The following TGIF1 variants were observed in gnomAD, a reference collection of about 807,000 sequenced individuals.
TGIF1 encodes homeobox protein TGIF1.
Under a neutral mutation model 19.3 loss-of-function variants are expected in TGIF1, and 4 were observed. That is an observed-to-expected ratio of 0.21 (90% confidence interval 0.10 to 0.47). The LOEUF (loss-of-function observed/expected upper bound fraction) is 0.47. TGIF1 is among the 20% of genes least tolerant of loss of function. The pLI, the probability that TGIF1 is intolerant of heterozygous loss-of-function variation, is 0.98. For missense variants in TGIF1, 275 were observed against 341.4 expected, an observed-to-expected ratio of 0.81 and a Z score of 1.53; for synonymous variants, 122 against 129.3, an observed-to-expected ratio of 0.94 and a Z score of 0.38.
chr18:3,450,326 G>A lies in TGIF1; in HGVS notation c.-164G>A. 1 of 1,456,824 alleles carries A rather than the reference G, an allele frequency of 6.9e-7. No homozygotes were observed. The highest frequency in any genetic ancestry group is 9.1e-7 in the Non-Finnish European group (1 of 1,102,454). The allele number at this position is 1,456,824 out of a possible 1,614,324, so 90.2% of individuals were successfully genotyped here. The stretch of plus-strand genomic sequence containing the variant: ...GTCACTTGAATTCCACCCAAGGAGC[G>A]GGCGCCTGGGATCAGAGCGTCCTGT... On this transcript the variant is annotated 5_prime_UTR_variant, in exon 1 of 3. Coordinates refer to ENST00000343820, the MANE Select transcript of TGIF1 (RefSeq NM_003244.4).
chr18:3,435,911 A>G (rs961386497), intron 2 of TGIF1, among the ~76,000 whole-genome samples: 6 of 152,088 alleles, frequency 3.9e-5, no homozygotes, highest in African/African-American at 1.4e-4. Context: ...CCCAGGCTGG[A>G]GTGCAGTGGC....
intron 2 of TGIF1, among the ~76,000 whole-genome samples, chr18:3,424,820 G>A (rs138776120): frequency 3.3e-5 from 5 of 152,318 alleles, no homozygotes; most frequent in Admixed American, 2.0e-4. Context: ...GGAGGTGCTG[G>A]GAGGGTGATA....
At chr18:3,452,715 G>A (rs185996172) in intron 1 of TGIF1, among the ~76,000 whole-genome samples, 12 of 152,126 alleles carry the variant, frequency 7.9e-5, no homozygotes, top group Admixed American at 1.3e-4. Flanking sequence ...TACCTGGGAG[G>A]GGGGAGCCTT....
chr18:3,448,717 C>CTTTTT (rs869086299), upstream of TGIF1: 242 of 255,896 alleles, frequency 9.5e-4, 16 homozygotes, highest in African/African-American at 9.5e-3. Flanking sequence ...GCGGGGGTGT[C>CTTTTT]TTTTTTTTTT....
chr18:3,426,992 C>A (rs1043363493), intron 2 of TGIF1, among the ~76,000 whole-genome samples: 1 of 142,716 alleles, frequency 7.0e-6, no homozygotes, highest in African/African-American at 2.6e-5. Context: ...GGCATGATCT[C>A]GGCTCACTGC....
upstream of TGIF1, chr18:3,449,289 C>T (rs1019261629): frequency 1.4e-5 from 8 of 588,820 alleles, no homozygotes; most frequent in Non-Finnish European, 1.7e-5. Context: ...GACGAGCAGG[C>T]ACGGCGTGGT....
At chr18:3,449,942 G>T (rs2082846228), upstream of TGIF1, 1 of 986,496 alleles carries the variant, frequency 1.0e-6, no homozygotes, top group Non-Finnish European at 1.2e-6. Flanking sequence ...GAGGGATGCG[G>T]GCGGTCCGTG....
Position 3,456,931 on chromosome 18 carries a change from A to T in TGIF1, c.243+351A>T, listed in dbSNP as rs1480760294. 4 of 587,806 alleles carry T rather than the reference A, an allele frequency of 6.8e-6. No homozygotes were observed. The highest frequency in any genetic ancestry group is 1.2e-5 in the Non-Finnish European group (4 of 334,180). 36.4% of individuals were successfully genotyped at this position (587,806 alleles called of 1,614,324 possible). On this transcript the variant is annotated intron_variant, in intron 2 of 2. Coordinates refer to ENST00000343820, the MANE Select transcript of TGIF1 (RefSeq NM_003244.4). This position sits in a 1 kb window ranked among gnomAD's most constrained non-coding sequence, Gnocchi z 4.2. The stretch of plus-strand genomic sequence containing the variant: ...TCATGTTATGTCTGTTGACACAGTC[A>T]TTTGAACTGGGAAAAATCAGTTACT...
In TGIF1 at chr18:3,457,863, A is replaced by C; in HGVS notation, c.742A>C (p.Ser248Arg). The change falls in exon 3 of 3, where the codon AGT (serine) becomes CGT (arginine). Residue 248 changes from serine to arginine, a missense_variant. By Grantham distance (110) the Ser-to-Arg change is moderately radical. Transcript: ENST00000343820. This position sits in a 1 kb window ranked among gnomAD's most constrained non-coding sequence, Gnocchi z 4.9. The stretch of plus-strand genomic sequence containing the variant: ...TCCACCGGACCTCAACCAGGACTTC[A>C]GTGGATTTCAGCTTCTAGTGGATGT... Reference protein sequence around the residue: ...PTPPDLNQDFSGFQLLVDVAL... With the variant: ...PTPPDLNQDFRGFQLLVDVAL... 6.2e-7 allele frequency: 1 copy of C among 1,607,364 alleles called. No homozygotes were observed. Among genetic ancestry groups the C allele is most frequent in the Non-Finnish European group, 8.5e-7 (1 of 1,179,984 alleles).
At position 3,433,460 on chromosome 18, in the gene TGIF1, T is replaced by C. The variant is rs185990851; in HGVS notation, c.-45+15245T>C. ...TACAATTCTGATATATTCTATAACA[T>C]GGCCGAAGGTTGAAGACACTATGCT... On this transcript the variant is annotated intron_variant, in intron 2 of 3. Transcript: ENST00000401449. 1.2e-3 allele frequency among the ~76,000 whole-genome samples: 184 copies of C among 152,356 alleles called. 3 individuals carry two copies. The highest frequency in any genetic ancestry group is 2.2e-3 in the Admixed American group (33 of 15,292).
rs890818101 is a variant in TGIF1 at position 3,457,185 on chromosome 18, G to C, written c.244-180G>C. ...AGAAACTAGAAGGCTTATGACAGGT[G>C]GTAGCTTGCTTTCTTGGCGGAGCTC... On this transcript the variant is annotated intron_variant, in intron 2 of 2. Transcript: ENST00000343820. The surrounding 1 kb of genome is among the most constrained non-coding windows in gnomAD (Gnocchi z 4.9). The C allele has an allele frequency of 1.4e-6, 1 of 725,744 alleles. No individual in the cohort carries two copies. The highest frequency in any genetic ancestry group is 1.8e-5 in the African/African-American group (1 of 56,504). 45.0% of individuals were successfully genotyped at this position (725,744 alleles called of 1,614,324 possible). A position where few individuals can be genotyped will look rare whatever the true frequency, so the allele number is the denominator to read the frequency against.
intron 2 of TGIF1, among the ~76,000 whole-genome samples, chr18:3,425,982 A>G (rs1019083662): frequency 6.6e-6 from 1 of 150,932 alleles, no homozygotes; most frequent in Non-Finnish European, 1.5e-5. Context: ...CCCCCGCCCC[A>G]TATTTGGTCA....
At position 3,423,042 on chromosome 18, in the gene TGIF1, A is replaced by G. The variant is rs181788735; in HGVS notation, c.-45+4827A>G. Among the ~76,000 whole-genome samples, 4 of 152,152 alleles carry G rather than the reference A, an allele frequency of 2.6e-5. No individual in the cohort carries two copies. In the East Asian group the frequency reaches 7.7e-4, roughly 29 times the overall value. On this transcript the variant is annotated intron_variant, in intron 2 of 3. Transcript: ENST00000401449. ...CTATACATGTTCTAGGTTTAGATAGATCAATACTTACCATTGTGTTGCAAT... is the reference window on the plus strand; with the variant it reads ...CTATACATGTTCTAGGTTTAGATAGGTCAATACTTACCATTGTGTTGCAAT...
upstream of TGIF1, chr18:3,450,158 T>C (rs1319948569): frequency 7.9e-7 from 1 of 1,260,364 alleles, no homozygotes; most frequent in Non-Finnish European, 1.0e-6. Flanking sequence ...GTACCTTCCC[T>C]CCTCGCCTCT....
At chr18:3,427,661 G>A (rs1358963017) in intron 2 of TGIF1, among the ~76,000 whole-genome samples, 6 of 148,294 alleles carry the variant, frequency 4.0e-5, no homozygotes, top group East Asian at 4.0e-4. Flanking sequence ...GTGCAGTGAC[G>A]GGCTCTCAGT....
At chr18:3,448,801 C>T (rs370041497), upstream of TGIF1, among the ~76,000 whole-genome samples, 67 of 146,646 alleles carry the variant, frequency 4.6e-4, no homozygotes, top group South Asian at 0.014. Flanking sequence ...AGTTAGTTAT[C>T]CCTTGGCCGT....
intron 2 of TGIF1, among the ~76,000 whole-genome samples, chr18:3,435,046 T>A (rs950997749): frequency 6.6e-6 from 1 of 152,186 alleles, no homozygotes; most frequent in Non-Finnish European, 1.5e-5. Flanking sequence ...ATGCTTTAAG[T>A]GTCTGTAGTA....
In TGIF1 at chr18:3,459,812, T is replaced by A. The variant is rs952273167; in HGVS notation, c.*1872T>A. 1 of 152,338 alleles carries A rather than the reference T, an allele frequency of 6.6e-6. No individual in the cohort carries two copies. Among genetic ancestry groups the A allele is most frequent in the South Asian group, 2.1e-4 (1 of 4,834 alleles). The allele number at this position is 152,338 out of a possible 1,614,324, so 9.4% of individuals were successfully genotyped here. On this transcript the variant is annotated 3_prime_UTR_variant, in exon 3 of 3. Transcript: ENST00000343820. The stretch of plus-strand genomic sequence containing the variant: ...TCCCTATTGAGGTTGTTACAGGTCA[T>A]GGTTGATAATAGTTGGTGTTGAATG...
chr18:3,443,848 G>C (rs1404374269), intron 2 of TGIF1, among the ~76,000 whole-genome samples: 1 of 135,812 alleles, frequency 7.4e-6, no homozygotes, highest in African/African-American at 2.5e-5. Context: ...TACTTCTTAG[G>C]GTTGTTTTAA....
Sources: gnomAD v4.1 joint callset for allele counts (sites outside exome capture counted in the v4.1 genomes callset) on GRCh38, gnomAD v4.1.1 for gene constraint, Gnocchi (gnomAD v3.1) non-coding constraint, MANE v1.5 for transcripts, NCBI Gene and HGNC (gene_info 2026-07-23, HGNC 2026-07-21) for gene names.